POU2F1: variants seen among roughly 807,000 people sequenced by gnomAD.
POU2F1 encodes the protein POU class 2 homeobox 1.
A neutral mutation model predicts 84.9 loss-of-function variants in POU2F1; 16 were observed. The observed-to-expected ratio is 0.19, with a 90% confidence interval of 0.13 to 0.29. POU2F1 has a LOEUF of 0.29. POU2F1 is among the 10% of genes least tolerant of loss of function. The pLI, the probability that POU2F1 is intolerant of heterozygous loss-of-function variation, is 1.00. For missense variants in POU2F1, 738 were observed against 942.6 expected (o/e 0.78, Z 2.84); for synonymous variants, 368 against 368.3 (o/e 1.00, Z 0.01).
intron 1 of POU2F1, among the ~76,000 whole-genome samples, chr1:167,253,196 C>G (rs1275959299): frequency 6.6e-6 from 1 of 152,156 alleles, no homozygotes; most frequent in African/African-American, 2.4e-5. Context: ...AAAGAAAAGC[C>G]TACTGCTCTT....
At chr1:167,243,872 T>C (rs1039054741) in intron 1 of POU2F1, among the ~76,000 whole-genome samples, 8 of 152,226 alleles carry the variant, frequency 5.3e-5, no homozygotes, top group African/African-American at 1.9e-4. Context: ...AACATACTGA[T>C]AAATATAGTA....
Position 167,423,337 on chromosome 1 carries a change from A to T in POU2F1, c.*7527A>T, listed in dbSNP as rs1650757327. ...AAATGTATCACTCTCTGAATATTGC[A>T]TCAAAAATGATTAGGTTGCAGAACT... On this transcript the variant is annotated 3_prime_UTR_variant, in exon 16 of 16. Transcript: ENST00000367866. 1 of 152,230 alleles carries T rather than the reference A, an allele frequency of 6.6e-6. No individual in the cohort carries two copies. The highest frequency in any genetic ancestry group is 2.4e-5 in the African/African-American group (1 of 41,454). 9.4% of individuals were successfully genotyped at this position (152,230 alleles called of 1,614,324 possible).
At position 167,253,381 on chromosome 1, in the gene POU2F1, C is replaced by G. The variant is rs75011943; in HGVS notation, c.61+32423C>G. ...GTTTCATTCTTTATTTTTCTGCCCC[C>G]CCCCCCCCAAACACACAGGAGAGTG... On this transcript the variant is annotated intron_variant, in intron 1 of 15. Coordinates refer to ENST00000367866, the MANE Select transcript of POU2F1 (RefSeq NM_002697.4). Among the ~76,000 whole-genome samples the G allele has an allele frequency of 1.1e-4, 2 of 18,454 alleles. 1 individual carries two copies. The highest frequency in any genetic ancestry group is 3.3e-4 in the Non-Finnish European group (2 of 6,024). The allele number at this position is 18,454 out of a possible 152,430, so 12.1% of individuals were successfully genotyped here.
chr1:167,326,565 A>G (rs141310138), intron 1 of POU2F1, among the ~76,000 whole-genome samples: 88 of 152,308 alleles, frequency 5.8e-4, no homozygotes, highest in African/African-American at 1.9e-3. Flanking sequence ...GGTGGTAGAA[A>G]GGGACTTTTC....
intron 8 of POU2F1, 116 bp from the exon 9 acceptor site, chr1:167,389,472 T>C: frequency 9.3e-7 from 1 of 1,073,290 alleles, no homozygotes; most frequent in Non-Finnish European, 1.4e-6. Flanking sequence ...TCTGTAGTGT[T>C]ACATGGTCTT....
chr1:167,329,932 T>C (rs1656970990), intron 1 of POU2F1, among the ~76,000 whole-genome samples: 1 of 152,214 alleles, frequency 6.6e-6, no homozygotes, highest in African/African-American at 2.4e-5. Flanking sequence ...CAACTTTAAA[T>C]GTTGGAAAAC....
intron 1 of POU2F1, among the ~76,000 whole-genome samples, chr1:167,328,732 G>A (rs1656875155): frequency 6.6e-6 from 1 of 152,110 alleles, no homozygotes; most frequent in Admixed American, 6.6e-5. Context: ...CTGGCACTCA[G>A]GAGATAATTT....
chr1:167,373,158 C>T lies in POU2F1; in HGVS notation c.403-950C>T, dbSNP rs571927060. Among the ~76,000 whole-genome samples, 19 of 152,212 alleles carry T rather than the reference C, an allele frequency of 1.2e-4. No individual in the cohort carries two copies. The East Asian group carries it at 2.7e-3, about 22-fold the overall frequency. ...TTTTGAGCCTTATGTTTCTAATGCA[C>T]AAATTGTGTTTGATTCTTTTAGAGG... On this transcript the variant is annotated intron_variant, in intron 5 of 15. Transcript: ENST00000367866.
chr1:167,230,335 G>C (rs1648975905), intron 1 of POU2F1, among the ~76,000 whole-genome samples: 1 of 152,076 alleles, frequency 6.6e-6, no homozygotes, highest in African/African-American at 2.4e-5. Context: ...TCACTAATTA[G>C]CTTAGTAACT....
At chr1:167,263,741 ACTACT>A (rs976701860) in intron 1 of POU2F1, among the ~76,000 whole-genome samples, 2 of 152,080 alleles carry the variant, frequency 1.3e-5, no homozygotes, top group African/African-American at 4.8e-5. Flanking sequence ...CATCTCTCCT[ACTACT>A]CTACTCTCTG....
At position 167,412,533 on chromosome 1, in the gene POU2F1, G is replaced by A. The variant is rs535753682; in HGVS notation, c.1901+229G>A. Among the ~76,000 whole-genome samples, 8 of 152,264 alleles carry A rather than the reference G, an allele frequency of 5.3e-5. No individual in the cohort carries two copies. In the East Asian group the frequency reaches 1.5e-3, roughly 29 times the overall value. On this transcript the variant is annotated intron_variant, in intron 14 of 15. Coordinates refer to ENST00000367866, the MANE Select transcript of POU2F1 (RefSeq NM_002697.4). ...AGTCATACCTTTGTTTCCAGATGAA[G>A]ACCCAAAATACCAGGTCACTAATTA... is the stretch of plus-strand genomic sequence containing the variant.
At chr1:167,394,700 G>T (rs1648677401) in intron 9 of POU2F1, among the ~76,000 whole-genome samples, 1 of 152,126 alleles carries the variant, frequency 6.6e-6, no homozygotes, top group Non-Finnish European at 1.5e-5. Context: ...GGCTATATGG[G>T]AAGGCAGAGG....
At chr1:167,302,932 A>C (rs1654814719) in intron 1 of POU2F1, among the ~76,000 whole-genome samples, 1 of 152,196 alleles carries the variant, frequency 6.6e-6, no homozygotes, top group African/African-American at 2.4e-5. Flanking sequence ...TCAACCAGTG[A>C]TAGTAAATTT....
intron 7 of POU2F1, chr1:167,383,390 AT>A (rs1647713044): frequency 6.5e-6 from 1 of 153,346 alleles, no homozygotes; most frequent in Non-Finnish European, 1.5e-5. Flanking sequence ...TCATGCAGAT[AT>A]TAATAGAATA....
Position 167,420,965 on chromosome 1 carries a change from T to C in POU2F1, c.*5155T>C, listed in dbSNP as rs940922073. The C allele has an allele frequency of 3.3e-5, 5 of 152,164 alleles. No individual in the cohort carries two copies. The highest frequency in any genetic ancestry group is 2.0e-4 in the Admixed American group (3 of 15,276). The allele number at this position is 152,164 out of a possible 1,614,324, so 9.4% of individuals were successfully genotyped here. A position where few individuals can be genotyped will look rare whatever the true frequency, so the allele number is the denominator to read the frequency against. On this transcript the variant is annotated 3_prime_UTR_variant, in exon 16 of 16. Coordinates refer to ENST00000367866, the MANE Select transcript of POU2F1 (RefSeq NM_002697.4). ...ATGACTGATACTAATGGGAGAAAAA[T>C]ACTAAAGACCCAAAATTTAAAATTT...
In POU2F1 at chr1:167,334,193, T is replaced by C. The variant is rs373628054; in HGVS notation, c.127+1658T>C. 1.0e-4 allele frequency among the ~76,000 whole-genome samples: 15 copies of C among 145,560 alleles called. No homozygotes were observed. The South Asian group carries it at 3.4e-3, about 33-fold the overall frequency. ...TTTTTTTTTTGAGATGGAATTTTGC[T>C]CTTGTTTCCCAGGCGGGAGTGCAAT... On this transcript the variant is annotated intron_variant, in intron 2 of 15. Transcript: ENST00000367866.
chr1:167,223,381 T>A (rs1241922093), intron 1 of POU2F1, among the ~76,000 whole-genome samples: 1 of 152,136 alleles, frequency 6.6e-6, no homozygotes, highest in African/African-American at 2.4e-5. Context: ...GTAATTTTGA[T>A]TTTTGGTCTT....
chr1:167,261,093 T>C (rs1651530999), intron 1 of POU2F1, among the ~76,000 whole-genome samples: 2 of 152,182 alleles, frequency 1.3e-5, no homozygotes, highest in Non-Finnish European at 2.9e-5. Context: ...CTTGTCTGAT[T>C]TGAAACATTT....
chr1:167,326,689 A>G (rs149969294), intron 1 of POU2F1, among the ~76,000 whole-genome samples: 2 of 152,212 alleles, frequency 1.3e-5, no homozygotes, highest in Non-Finnish European at 2.9e-5. Flanking sequence ...CTGGTAAACT[A>G]TAGCCTCCCT....
Sources: gnomAD v4.1 joint callset for allele counts (sites outside exome capture counted in the v4.1 genomes callset) on GRCh38, gnomAD v4.1.1 for gene constraint, MANE v1.5 for transcripts, NCBI Gene and HGNC (gene_info 2026-07-23, HGNC 2026-07-21) for gene names.